The following AXIN2 variants were observed in gnomAD, a reference collection of about 807,000 sequenced individuals.
AXIN2 encodes the protein axin 2, also known as axin-2.
AXIN2 carries 21 observed loss-of-function variants against 74.7 expected under a neutral mutation model. The observed-to-expected ratio is 0.28, with a 90% CI of 0.20 to 0.40. The LOEUF (loss-of-function observed/expected upper bound fraction) is 0.40. Ranked by LOEUF, AXIN2 falls within the 10% of genes least tolerant of loss-of-function variation. AXIN2 has a pLI of 1.00. For missense variants in AXIN2, 1,144 were observed against 1,111.1 expected (o/e 1.03, Z -0.42); for synonymous variants, 532 against 454.9 (o/e 1.17, Z -2.16).
At position 65,538,000 on chromosome 17, in the gene AXIN2, C is replaced by A. The variant is rs1567756869; in HGVS notation, c.1201-165G>T. On this transcript the variant is annotated intron_variant, in intron 5 of 10. Transcript: ENST00000307078. ...CAGGCCCGCCTACACAAGCACATAT[C>A]CACACGCATATGCACACCCACACGC... 18 of 1,310,794 alleles carry A rather than the reference C, an allele frequency of 1.4e-5. No individual in the cohort carries two copies. The East Asian group carries it at 4.5e-4, about 33-fold the overall frequency. The allele number at this position is 1,310,794 out of a possible 1,614,324, so 81.2% of individuals were successfully genotyped here. A position where few individuals can be genotyped will look rare whatever the true frequency, so the allele number is the denominator to read the frequency against.
At chr17:65,541,901 G>C (rs543278039) in intron 3 of AXIN2, among the ~76,000 whole-genome samples, 3 of 152,330 alleles carry the variant, frequency 2.0e-5, no homozygotes, top group South Asian at 4.1e-4. Context: ...TTTTACAGGT[G>C]CCCTAAGTAG....
intron 2 of AXIN2, among the ~76,000 whole-genome samples, chr17:65,555,232 A>G (rs1468746713): frequency 1.3e-5 from 2 of 152,142 alleles, no homozygotes; most frequent in Non-Finnish European, 2.9e-5. Flanking sequence ...GCTGATGAAG[A>G]AAGACCATCC....
chr17:65,542,883 G>GA (rs2044063924), intron 3 of AXIN2, among the ~76,000 whole-genome samples: 3 of 152,206 alleles, frequency 2.0e-5, no homozygotes, highest in Admixed American at 2.0e-4. Flanking sequence ...TAGGGTGGAA[G>GA]AAAAATAGGA....
intron 3 of AXIN2, among the ~76,000 whole-genome samples, chr17:65,543,512 C>T (rs1367653082): frequency 6.6e-6 from 1 of 152,128 alleles, no homozygotes; most frequent in Non-Finnish European, 1.5e-5. Context: ...GACATTGGAC[C>T]TATAATCAGA....
rs2043785587 is a variant in AXIN2 at position 65,529,787 on chromosome 17, C to G, written c.*189G>C. On this transcript the variant is annotated 3_prime_UTR_variant, in exon 11 of 11. Coordinates refer to ENST00000307078, the MANE Select transcript of AXIN2 (RefSeq NM_004655.4). ...AGGCTTTTCTTATCTCAGTCAGTACCCAGCTCATGAATCATGAAAATCAAC... is the reference window on the plus strand; with the variant it reads ...AGGCTTTTCTTATCTCAGTCAGTACGCAGCTCATGAATCATGAAAATCAAC... 1 of 836,764 alleles carries G rather than the reference C, an allele frequency of 1.2e-6. No individual in the cohort carries two copies. The highest frequency in any genetic ancestry group is 1.7e-5 in the African/African-American group (1 of 59,220). 51.8% of individuals were successfully genotyped at this position (836,764 alleles called of 1,614,324 possible).
chr17:65,553,132 G>A (rs910040698), intron 2 of AXIN2, among the ~76,000 whole-genome samples: 1 of 152,174 alleles, frequency 6.6e-6, no homozygotes, highest in Non-Finnish European at 1.5e-5. Context: ...CTGGACACTG[G>A]TGTTTCCATG....
In AXIN2 at chr17:65,537,461, G is replaced by C. The variant is rs1598098758; in HGVS notation, c.1575C>G (p.Pro525=). 1.2e-6 allele frequency: 2 copies of C among 1,613,968 alleles called. No individual in the cohort carries two copies. Among genetic ancestry groups the C allele is most frequent in the Middle Eastern group, 1.6e-4 (1 of 6,062 alleles). Residue 525 remains proline, a synonymous_variant, in exon 6 of 11, where the codon CCC becomes CCG. Coordinates refer to ENST00000307078, the MANE Select transcript of AXIN2 (RefSeq NM_004655.4). ...HHHYIHHHAV[P]KTKEEIEAEA... is the part of the protein sequence containing the mutation. The stretch of plus-strand genomic sequence containing the variant: ...CCGCCTCGATCTCCTCCTTGGTCTT[G>C]GGGACGGCATGGTGGTGGATGTAGT...
At chr17:65,536,237 G>A in intron 8 of AXIN2, 83 bp downstream of exon 8, 1 of 1,389,432 alleles carries the variant, frequency 7.2e-7, no homozygotes. Context: ...GGCAGAAAGA[G>A]AGGCCCTCCC....
At chr17:65,532,965 G>A (rs1332374590) in intron 10 of AXIN2, among the ~76,000 whole-genome samples, 2 of 152,220 alleles carry the variant, frequency 1.3e-5, no homozygotes, top group Non-Finnish European at 2.9e-5. Flanking sequence ...GGACAGAACT[G>A]GAGCAGAATC....
chr17:65,537,477 T>C lies in AXIN2; in HGVS notation c.1559A>G (p.His520Arg). Reference sequence around the variant, plus strand: ...CTTGGTCTTGGGGACGGCATGGTGGTGGATGTAGTGGTGGTGGACATGCTT... The same window carrying C: ...CTTGGTCTTGGGGACGGCATGGTGGCGGATGTAGTGGTGGTGGACATGCTT... ...TTKHVHHHYI[H>R]HHAVPKTKEE... The change falls in exon 6 of 11, where the codon CAC (histidine) becomes CGC (arginine). Residue 520 changes from histidine to arginine, a missense_variant. This residue lies in a region of AXIN2 where 1,053 missense variants were observed against 973.5 expected (regional missense o/e 1.08). Transcript: ENST00000307078. 6.2e-7 allele frequency: 1 copy of C among 1,613,540 alleles called. No homozygotes were observed. The highest frequency in any genetic ancestry group is 8.5e-7 in the Non-Finnish European group (1 of 1,179,894).
Position 65,557,795 on chromosome 17 carries a change from C to T in AXIN2, c.815+11G>A. 6.2e-7 allele frequency: 1 copy of T among 1,614,094 alleles called. No homozygotes were observed. Among genetic ancestry groups the T allele is most frequent in the Non-Finnish European group, 8.5e-7 (1 of 1,179,940 alleles). On this transcript the variant is annotated intron_variant, in intron 2 of 10. Transcript: ENST00000307078. Reference sequence around the variant, plus strand: ...ACAGCATCAGCCCACCCGCCCCCGTCAAAGTCTTACCTGTATCCACTGTCA... The same window carrying T: ...ACAGCATCAGCCCACCCGCCCCCGTTAAAGTCTTACCTGTATCCACTGTCA...
At position 65,533,985 on chromosome 17, in the gene AXIN2, G is replaced by A. The variant is rs1398258340; in HGVS notation, c.2332C>T (p.Arg778Trp). 1.2e-6 allele frequency: 2 copies of A among 1,614,168 alleles called. No homozygotes were observed. The highest frequency in any genetic ancestry group is 1.7e-6 in the Non-Finnish European group (2 of 1,180,026). Residue 778 changes from arginine (R) to tryptophan (W), a missense_variant, in exon 10 of 11, where the codon CGG becomes TGG. By Grantham distance (101) the Arg-to-Trp change is moderately radical. Coordinates refer to ENST00000307078, the MANE Select transcript of AXIN2 (RefSeq NM_004655.4). ...AAGCTCTGAGCCTTCAGCATCCTCC[G>A]GTATGGAATTTCTTCCCCACAGAAA... ...YFFCGEEIPY[R>W]RMLKAQSLTL...
chr17:65,530,458 G>C (rs561915426), intron 10 of AXIN2, among the ~76,000 whole-genome samples: 1 of 152,324 alleles, frequency 6.6e-6, no homozygotes, highest in Non-Finnish European at 1.5e-5. Flanking sequence ...GGAGGGAAGG[G>C]AAGGACAAAT....
Position 65,558,027 on chromosome 17 carries a change from T to C in AXIN2, c.594A>G (p.Glu198=), listed in dbSNP as rs1478720065. Reference sequence around the variant, plus strand: ...TGTTTTCTCCCCCACTCCTCACATATTCGAGGTATATATCAGAAGTCAAAA... The same window carrying C: ...TGTTTTCTCCCCCACTCCTCACATACTCGAGGTATATATCAGAAGTCAAAA... ...QMFLTSDIYL[E]YVRSGGENTA... is the part of the protein sequence containing the mutation. The change falls in exon 2 of 11, where the codon GAA becomes GAG. Residue 198 remains glutamate, a synonymous_variant. Coordinates refer to ENST00000307078, the MANE Select transcript of AXIN2 (RefSeq NM_004655.4). 3 of 1,614,116 alleles carry C rather than the reference T, an allele frequency of 1.9e-6. No homozygotes were observed. The highest frequency in any genetic ancestry group is 2.2e-5 in the South Asian group (2 of 91,066).
chr17:65,554,466 C>T lies in AXIN2; in HGVS notation c.815+3340G>A, dbSNP rs568392325. Among the ~76,000 whole-genome samples the T allele has an allele frequency of 3.3e-5, 5 of 152,340 alleles. No individual in the cohort carries two copies. In the East Asian group the frequency reaches 5.8e-4, roughly 18 times the overall value. ...CCAGGACTCCAACAGCACTGGGCAACGGGACCTTTTGAAAACAGGCAAACT... is the reference window on the plus strand; with the variant it reads ...CCAGGACTCCAACAGCACTGGGCAATGGGACCTTTTGAAAACAGGCAAACT... On this transcript the variant is annotated intron_variant, in intron 2 of 10. Coordinates refer to ENST00000307078, the MANE Select transcript of AXIN2 (RefSeq NM_004655.4).
chr17:65,530,346 C>A (rs2043796293), intron 10 of AXIN2, among the ~76,000 whole-genome samples: 1 of 152,200 alleles, frequency 6.6e-6, no homozygotes, highest in African/African-American at 2.4e-5. Context: ...GGCCTGCCAC[C>A]TGCAATCTTC....
Position 65,541,547 on chromosome 17 carries a change from G to A in AXIN2, c.967C>T (p.Pro323Ser). The A allele has an allele frequency of 6.2e-7, 1 of 1,613,846 alleles. No homozygotes were observed. Among genetic ancestry groups the A allele is most frequent in the Non-Finnish European group, 8.5e-7 (1 of 1,179,740 alleles). The change falls in exon 4 of 11, where the codon CCT becomes TCT. Residue 323 changes from proline (P) to serine (S), a missense_variant. Physicochemically the swap from Pro to Ser is moderately conservative, Grantham distance 74. This residue lies in a region of AXIN2 where 1,053 missense variants were observed against 973.5 expected (regional missense o/e 1.08). Coordinates refer to ENST00000307078, the MANE Select transcript of AXIN2 (RefSeq NM_004655.4). Reference protein sequence around the residue: ...SMTDSSVDGIPPYRVGSKKQL... With the variant: ...SMTDSSVDGISPYRVGSKKQL... The stretch of plus-strand genomic sequence containing the variant: ...TTCTTACTGCCCACACGATAAGGAG[G>A]AATTCCATCTCTAAGGGAAAGGAAA...
chr17:65,538,045 ACAGCCCACGCCCAGGCACACACCCACACG>A (rs2043970341), intron 5 of AXIN2, 129 bp downstream of exon 5: 2 of 1,418,078 alleles, frequency 1.4e-6, no homozygotes, highest in African/African-American at 1.4e-5. Context: ...ACATGCGCAC[ACAGCCCACGCCCAGGCACACACCCACACG>A]CAGCCCACGC....
In AXIN2 at chr17:65,537,503, C is replaced by T. The variant is rs765845602; in HGVS notation, c.1533G>A (p.Thr511=). ...GGATGTAGTGGTGGTGGACATGCTT[C>T]GTCGTCTGCTTGGTCACAAAGCCTT... ...GGKGFVTKQT[T]KHVHHHYIHH... Residue 511 remains threonine, a synonymous_variant, in exon 6 of 11, where the codon ACG becomes ACA. Coordinates refer to ENST00000307078, the MANE Select transcript of AXIN2 (RefSeq NM_004655.4). 6.2e-7 allele frequency: 1 copy of T among 1,613,758 alleles called. No individual in the cohort carries two copies. The highest frequency in any genetic ancestry group is 2.2e-5 in the East Asian group (1 of 44,702).
Sources: allele counts gnomAD v4.1 joint callset (sites outside exome capture counted in the v4.1 genomes callset), GRCh38; gene constraint gnomAD v4.1.1; regional missense constraint gnomAD v4.1.1; transcripts MANE v1.5; gene names NCBI Gene and HGNC (gene_info 2026-07-23, HGNC 2026-07-21).